The following GULP1 variants were observed in gnomAD, a reference collection of about 807,000 sequenced individuals.
GULP1 encodes PTB domain-containing engulfment adapter protein 1.
GULP1 carries 19 observed loss-of-function variants against 40.9 expected under a neutral mutation model. The ratio of observed to expected loss-of-function variants is 0.46; its 90% CI spans 0.32 to 0.68. The LOEUF is 0.68. GULP1 is among the 30% of genes least tolerant of loss of function. The pLI, the probability that GULP1 is intolerant of heterozygous loss-of-function variation, is 0.03. For missense variants in GULP1, 312 were observed against 362.2 expected (o/e 0.86, Z 1.12); for synonymous variants, 119 against 117.6 (o/e 1.01, Z -0.08).
chr2:188,534,573 A>C (rs1178457951), intron 6 of GULP1, among the ~76,000 whole-genome samples: 1 of 152,056 alleles, frequency 6.6e-6, no homozygotes, highest in East Asian at 1.9e-4. Context: ...ATTTTTACCC[A>C]AAACCTCAGC....
At chr2:188,578,232 T>G (rs554837631) in intron 9 of GULP1, among the ~76,000 whole-genome samples, 1 of 152,092 alleles carries the variant, frequency 6.6e-6, no homozygotes, top group Admixed American at 6.6e-5. Flanking sequence ...TTTCTGTTAT[T>G]ATTGTTTAAA....
In GULP1 at chr2:188,470,124, G is replaced by A. The variant is rs75442271; in HGVS notation, c.-44-7535G>A. 9.6e-3 allele frequency among the ~76,000 whole-genome samples: 1,461 copies of A among 152,076 alleles called. 23 individuals are homozygous for A. Among genetic ancestry groups the A allele is most frequent in the African/African-American group, 0.033 (1,369 of 41,510 alleles). ...CTCCTCTATTTTTTGGAATACTTTGGGTAGTATTGGTATTAATTCTCTAAA... is the reference window on the plus strand; with the variant it reads ...CTCCTCTATTTTTTGGAATACTTTGAGTAGTATTGGTATTAATTCTCTAAA... On this transcript the variant is annotated intron_variant, in intron 2 of 11. Transcript: ENST00000409830.
intron 4 of GULP1, among the ~76,000 whole-genome samples, chr2:188,509,961 C>G (rs1296913053): frequency 2.6e-5 from 4 of 151,942 alleles, no homozygotes; most frequent in African/African-American, 9.7e-5. Flanking sequence ...ATAGAGTATG[C>G]ACAATAAATA....
At chr2:188,375,782 G>T (rs2048213697) in intron 1 of GULP1, among the ~76,000 whole-genome samples, 1 of 151,994 alleles carries the variant, frequency 6.6e-6, no homozygotes. Context: ...AGGAAGGCAG[G>T]GGCTTAAAAT....
chr2:188,550,684 G>A (rs1252265803), intron 7 of GULP1, among the ~76,000 whole-genome samples: 2 of 151,590 alleles, frequency 1.3e-5, no homozygotes, highest in East Asian at 1.9e-4. Context: ...GCATCCAGTC[G>A]TTTTACAAGG....
intron 9 of GULP1, chr2:188,582,285 C>T: frequency 4.5e-6 from 2 of 447,372 alleles, no homozygotes; most frequent in Non-Finnish European, 9.4e-6. Context: ...TATACTTTCT[C>T]CTTTCCTCCA....
intron 1 of GULP1, among the ~76,000 whole-genome samples, chr2:188,372,187 G>C (rs1015528852): frequency 6.6e-6 from 1 of 152,060 alleles, no homozygotes; most frequent in Non-Finnish European, 1.5e-5. Flanking sequence ...GAATATAAGT[G>C]TTTTCATGAA....
chr2:188,556,763 C>T (rs1355436210), intron 7 of GULP1, among the ~76,000 whole-genome samples: 4 of 152,098 alleles, frequency 2.6e-5, no homozygotes, highest in Admixed American at 6.5e-5. Flanking sequence ...TTGCTGGGCA[C>T]GGTGGCTCAC....
At chr2:188,505,964 A>T (rs2063865480) in intron 4 of GULP1, among the ~76,000 whole-genome samples, 1 of 151,840 alleles carries the variant, frequency 6.6e-6, no homozygotes, top group Non-Finnish European at 1.5e-5. Context: ...ATCACCACAC[A>T]TCTACATAGT....
At chr2:188,550,809 T>A (rs1004531863) in intron 7 of GULP1, among the ~76,000 whole-genome samples, 7 of 151,676 alleles carry the variant, frequency 4.6e-5, no homozygotes, top group Non-Finnish European at 8.9e-5. Context: ...ATGTTTTTTT[T>A]ATTTCATTAC....
intron 4 of GULP1, among the ~76,000 whole-genome samples, chr2:188,495,589 A>T (rs1396600163): frequency 6.6e-6 from 1 of 152,082 alleles, no homozygotes; most frequent in Non-Finnish European, 1.5e-5. Context: ...TAAGCAAAAA[A>T]ACATGGACTT....
chr2:188,438,743 A>G (rs1411623174), intron 2 of GULP1, among the ~76,000 whole-genome samples: 5 of 147,532 alleles, frequency 3.4e-5, no homozygotes, highest in Non-Finnish European at 7.5e-5. Flanking sequence ...TCAAAAGGAA[A>G]TAAAGTAGTT....
intron 11 of GULP1, 94 bp downstream of exon 11, chr2:188,588,043 A>G (rs895895578): frequency 2.6e-6 from 2 of 771,392 alleles, no homozygotes; most frequent in Non-Finnish European, 4.7e-6. Context: ...GTTTCCTTCA[A>G]TTATTTTCGC....
intron 4 of GULP1, among the ~76,000 whole-genome samples, chr2:188,495,714 T>C (rs2062834188): frequency 6.6e-6 from 1 of 152,054 alleles, no homozygotes; most frequent in African/African-American, 2.4e-5. Context: ...ATAGAGCTTT[T>C]GGGACATTAA....
At chr2:188,577,025 A>C (rs567631670) in intron 9 of GULP1, among the ~76,000 whole-genome samples, 1 of 152,242 alleles carries the variant, frequency 6.6e-6, no homozygotes, top group South Asian at 2.1e-4. Flanking sequence ...TAACAAGTTA[A>C]ATCAAAATGT....
intron 6 of GULP1, among the ~76,000 whole-genome samples, chr2:188,534,558 G>T (rs1688428607): frequency 6.6e-6 from 1 of 151,982 alleles, no homozygotes; most frequent in East Asian, 1.9e-4. Context: ...CTCAGTGATG[G>T]GACTATTTTT....
intron 2 of GULP1, among the ~76,000 whole-genome samples, chr2:188,386,930 G>T (rs2049846450): frequency 6.6e-6 from 1 of 152,058 alleles, no homozygotes; most frequent in Non-Finnish European, 1.5e-5. Flanking sequence ...ACATAACTAA[G>T]CCTAGAGGAA....
intron 4 of GULP1, among the ~76,000 whole-genome samples, chr2:188,518,155 C>G (rs902921303): frequency 6.6e-6 from 1 of 152,036 alleles, no homozygotes; most frequent in Admixed American, 6.6e-5. Flanking sequence ...AAGCCTTTAA[C>G]CAGTGTCTTA....
intron 2 of GULP1, among the ~76,000 whole-genome samples, chr2:188,431,610 G>A (rs958024934): frequency 2.0e-5 from 3 of 151,986 alleles, no homozygotes; most frequent in African/African-American, 7.2e-5. Flanking sequence ...TAATCTCTAG[G>A]AAGACTAAGT....
Sources: allele counts gnomAD v4.1 joint callset (sites outside exome capture counted in the v4.1 genomes callset), GRCh38; gene constraint gnomAD v4.1.1; transcripts MANE v1.5; gene names NCBI Gene and HGNC (gene_info 2026-07-23, HGNC 2026-07-21).